CNTN4: variants seen among roughly 807,000 people sequenced by gnomAD.
CNTN4 encodes the protein contactin-4.
CNTN4 carries 77 observed loss-of-function variants against 122.5 expected under a neutral mutation model. The ratio of observed to expected loss-of-function variants is 0.63; its 90% CI spans 0.52 to 0.76. The LOEUF is 0.76. CNTN4 is among the 30% of genes least tolerant of loss of function. The probability of loss-of-function intolerance (pLI) is 0.00; values close to 1 mark genes in which losing one functional copy is unlikely to be tolerated. For synonymous variants in CNTN4, 512 were observed against 447.0 expected, an observed-to-expected ratio of 1.15 and a Z score of -1.83; for missense variants, 1,256 against 1,259.1, an observed-to-expected ratio of 1.00 and a Z score of 0.04.
At position 2,481,541 on chromosome 3, in the gene CNTN4, G is replaced by A. The variant is rs184340901; in HGVS notation, c.-88-89875G>A. On this transcript the variant is annotated intron_variant, in intron 3 of 24. Transcript: ENST00000418658. ...ATCTAGTCACTGACTTAAACCCCGC[G>A]CAAAAAAATTAACCCAAAATGGATC... 1.7e-3 allele frequency among the ~76,000 whole-genome samples: 256 copies of A among 152,082 alleles called. 1 individual carries two copies. The highest frequency in any genetic ancestry group is 5.8e-3 in the African/African-American group (239 of 41,494).
intron 13 of CNTN4, among the ~76,000 whole-genome samples, chr3:2,941,225 A>C (rs933278167): frequency 3.3e-5 from 5 of 151,892 alleles, no homozygotes; most frequent in Non-Finnish European, 7.4e-5. Context: ...TTCCTATTGG[A>C]TTGTTCCTTC....
At chr3:2,964,944 G>A (rs1218137338) in intron 13 of CNTN4, among the ~76,000 whole-genome samples, 6 of 152,068 alleles carry the variant, frequency 3.9e-5, no homozygotes, top group Admixed American at 3.3e-4. Flanking sequence ...CTTCCATCGT[G>A]CCCTACTCGA....
intron 2 of CNTN4, among the ~76,000 whole-genome samples, chr3:2,213,771 A>T (rs1391168934): frequency 6.6e-6 from 1 of 152,196 alleles, no homozygotes; most frequent in Non-Finnish European, 1.5e-5. Context: ...CCTTTCTCAT[A>T]GGAAGTGATT....
intron 12 of CNTN4, among the ~76,000 whole-genome samples, chr3:2,913,084 G>A (rs185054115): frequency 5.9e-5 from 9 of 152,204 alleles, no homozygotes; most frequent in Admixed American, 3.9e-4. Context: ...CCCGAGAGGC[G>A]GAGGCTGCAG....
At chr3:2,429,876 C>G (rs1048665467) in intron 3 of CNTN4, among the ~76,000 whole-genome samples, 3 of 152,184 alleles carry the variant, frequency 2.0e-5, no homozygotes, top group Non-Finnish European at 4.4e-5. Context: ...ATGGGACCCT[C>G]CAAGCCACGC....
chr3:2,918,917 T>C (rs1266892082), intron 12 of CNTN4, among the ~76,000 whole-genome samples: 2 of 152,206 alleles, frequency 1.3e-5, no homozygotes, highest in Non-Finnish European at 2.9e-5. Flanking sequence ...ATTTCCTGTT[T>C]TGAACTGAAT....
At chr3:2,923,557 T>C (rs886859122) in intron 12 of CNTN4, among the ~76,000 whole-genome samples, 1 of 152,210 alleles carries the variant, frequency 6.6e-6, no homozygotes, top group Non-Finnish European at 1.5e-5. Flanking sequence ...TTCCCATTCA[T>C]GCCACATTCT....
At chr3:2,581,235 G>A (rs2079923669) in intron 4 of CNTN4, among the ~76,000 whole-genome samples, 1 of 152,106 alleles carries the variant, frequency 6.6e-6, no homozygotes, top group Non-Finnish European at 1.5e-5. Context: ...AAGAAGACAA[G>A]GAGAGAGGGG....
chr3:2,307,188 C>T (rs1406519105), intron 2 of CNTN4, among the ~76,000 whole-genome samples: 1 of 152,132 alleles, frequency 6.6e-6, no homozygotes, highest in Non-Finnish European at 1.5e-5. Flanking sequence ...GTAATCCCAG[C>T]ACTTTGGGAG....
chr3:2,196,030 T>C (rs2037816514), intron 2 of CNTN4, among the ~76,000 whole-genome samples: 1 of 152,202 alleles, frequency 6.6e-6, no homozygotes, highest in South Asian at 2.1e-4. Context: ...CTAGAGATGA[T>C]ATAGAAATAA....
chr3:2,502,294 CG>C (rs2076616752), intron 3 of CNTN4, among the ~76,000 whole-genome samples: 1 of 152,138 alleles, frequency 6.6e-6, no homozygotes, highest in Non-Finnish European at 1.5e-5. Flanking sequence ...TTACTATCCA[CG>C]TGTCTCATGG....
At chr3:2,754,606 T>A (rs894564083) in intron 6 of CNTN4, among the ~76,000 whole-genome samples, 9 of 152,120 alleles carry the variant, frequency 5.9e-5, no homozygotes, top group African/African-American at 2.2e-4. Context: ...AGATGAAAAG[T>A]ATTTTTAAAA....
chr3:3,033,799 C>T (rs1386845265), intron 16 of CNTN4, among the ~76,000 whole-genome samples: 1 of 152,208 alleles, frequency 6.6e-6, no homozygotes, highest in Non-Finnish European at 1.5e-5. Flanking sequence ...CTGCCAGCTG[C>T]TTTCCATCCC....
intron 2 of CNTN4, among the ~76,000 whole-genome samples, chr3:2,306,138 G>C (rs779020909): frequency 9.2e-5 from 14 of 152,026 alleles, no homozygotes; most frequent in Middle Eastern, 3.2e-3. Context: ...ATTTTGCTTA[G>C]ATGTCCTAGG....
At chr3:2,404,254 G>C (rs57975493) in intron 3 of CNTN4, among the ~76,000 whole-genome samples, 404 of 152,238 alleles carry the variant, frequency 2.7e-3, no homozygotes, top group African/African-American at 8.6e-3. Context: ...TCTCTGCTTA[G>C]GGTCTCACAA....
intron 4 of CNTN4, among the ~76,000 whole-genome samples, chr3:2,583,284 A>T (rs1375568482): frequency 6.6e-6 from 1 of 152,208 alleles, no homozygotes; most frequent in Non-Finnish European, 1.5e-5. Flanking sequence ...AGCATTTCAC[A>T]GATTGTCAAA....
chr3:2,128,564 G>A (rs2034293906), intron 2 of CNTN4, among the ~76,000 whole-genome samples: 1 of 152,136 alleles, frequency 6.6e-6, no homozygotes, highest in Admixed American at 6.5e-5. Context: ...TGAAGACTGT[G>A]ATCGACACTA....
intron 6 of CNTN4, among the ~76,000 whole-genome samples, chr3:2,781,953 G>A (rs1281517307): frequency 1.3e-5 from 2 of 149,224 alleles, no homozygotes; most frequent in South Asian, 2.2e-4. Flanking sequence ...TCGATCTCCT[G>A]ACCTCGTGAT....
intron 3 of CNTN4, among the ~76,000 whole-genome samples, chr3:2,468,261 A>G (rs1411276518): frequency 6.6e-6 from 1 of 152,218 alleles, no homozygotes; most frequent in Admixed American, 6.5e-5. Context: ...TCTGAAGACC[A>G]TATAGGGTGT....
Sources: allele counts gnomAD v4.1 joint callset (sites outside exome capture counted in the v4.1 genomes callset), GRCh38; gene constraint gnomAD v4.1.1; transcripts MANE v1.5; gene names NCBI Gene and HGNC (gene_info 2026-07-23, HGNC 2026-07-21).